Variants in GALNTL6 observed in about 807,000 individuals in gnomAD.
The protein encoded by GALNTL6 is polypeptide N-acetylgalactosaminyltransferase-like 6.
Under a neutral mutation model 73.7 loss-of-function variants are expected in GALNTL6, and 46 were observed. The observed-to-expected ratio is 0.62, with a 90% CI of 0.49 to 0.80. GALNTL6 has a LOEUF of 0.80. GALNTL6 is among the 30% of genes least tolerant of loss of function. The probability of loss-of-function intolerance (pLI) is 0.00; values close to 1 mark genes in which losing one functional copy is unlikely to be tolerated. For missense variants in GALNTL6, 604 were observed against 755.0 expected, an observed-to-expected ratio of 0.80 and a Z score of 2.34; for synonymous variants, 259 against 263.7, an observed-to-expected ratio of 0.98 and a Z score of 0.17.
chr4:172,585,020 C>A (rs1737346739), intron 5 of GALNTL6, among the ~76,000 whole-genome samples: 2 of 151,996 alleles, frequency 1.3e-5, no homozygotes, highest in African/African-American at 4.8e-5. Context: ...ACATAAAATG[C>A]ACTGTTTCTA....
chr4:172,752,944 T>C (rs1737514802), intron 5 of GALNTL6, among the ~76,000 whole-genome samples: 1 of 152,328 alleles, frequency 6.6e-6, no homozygotes, highest in African/African-American at 2.4e-5. Flanking sequence ...TCATCTACAT[T>C]CTATTATTTT....
At chr4:172,546,371 C>G (rs1455126) in intron 5 of GALNTL6, among the ~76,000 whole-genome samples, 133,440 of 152,134 alleles carry the variant, frequency 0.88, 58,594 homozygotes, top group African/African-American at 0.92. Flanking sequence ...TCTACCTGCA[C>G]AATGTTGACT....
At chr4:171,881,022 C>G (rs1421286689) in intron 2 of GALNTL6, among the ~76,000 whole-genome samples, 1 of 151,980 alleles carries the variant, frequency 6.6e-6, no homozygotes, top group African/African-American at 2.4e-5. Context: ...TGGCTCCCAC[C>G]GAGTATGTAA....
chr4:171,910,449 G>A (rs936595534), intron 2 of GALNTL6, among the ~76,000 whole-genome samples: 8 of 151,826 alleles, frequency 5.3e-5, no homozygotes, highest in East Asian at 1.9e-4. Context: ...TTCTTTTGAC[G>A]TGGGTTTTAA....
At chr4:172,002,977 CAAT>C (rs1453085820) in intron 2 of GALNTL6, among the ~76,000 whole-genome samples, 3 of 152,190 alleles carry the variant, frequency 2.0e-5, no homozygotes, top group African/African-American at 7.2e-5. Flanking sequence ...TTAATGGTGT[CAAT>C]AACAGTATCA....
At chr4:172,903,285 C>A (rs1196701727) in intron 8 of GALNTL6, among the ~76,000 whole-genome samples, 2 of 152,156 alleles carry the variant, frequency 1.3e-5, no homozygotes, top group East Asian at 1.9e-4. Flanking sequence ...ACTTATACTT[C>A]CATTTTTGTC....
chr4:172,063,792 C>A (rs1731279829), intron 2 of GALNTL6, among the ~76,000 whole-genome samples: 1 of 152,128 alleles, frequency 6.6e-6, no homozygotes, highest in Non-Finnish European at 1.5e-5. Flanking sequence ...TATTTGGACT[C>A]TCCCCAATTT....
chr4:172,501,408 G>T (rs1280270169), intron 5 of GALNTL6, among the ~76,000 whole-genome samples: 2 of 152,060 alleles, frequency 1.3e-5, no homozygotes, highest in East Asian at 3.9e-4. Flanking sequence ...TAGACTTATT[G>T]TGGATATGTA....
intron 2 of GALNTL6, among the ~76,000 whole-genome samples, chr4:171,843,480 CA>C (rs368318884): frequency 6.1e-4 from 87 of 142,476 alleles, no homozygotes; most frequent in African/African-American, 1.5e-3. Flanking sequence ...AGACAAATGC[CA>C]AAAAAAAAAC....
At chr4:172,308,301 A>G (rs770448660) in intron 3 of GALNTL6, among the ~76,000 whole-genome samples, 4 of 151,544 alleles carry the variant, frequency 2.6e-5, no homozygotes, top group Non-Finnish European at 4.4e-5. Flanking sequence ...CTTTTTACCA[A>G]CTTGGATGCC....
chr4:172,792,877 T>G (rs979732876), intron 5 of GALNTL6, among the ~76,000 whole-genome samples: 3 of 152,130 alleles, frequency 2.0e-5, no homozygotes, highest in Admixed American at 1.3e-4. Flanking sequence ...TAAATATTAT[T>G]CCTCTAATTC....
At chr4:172,859,387 G>T (rs1425452640) in intron 7 of GALNTL6, among the ~76,000 whole-genome samples, 1 of 152,062 alleles carries the variant, frequency 6.6e-6, no homozygotes, top group Non-Finnish European at 1.5e-5. Context: ...CTGGCTCTTG[G>T]TTATACCAAG....
chr4:172,969,045 A>G (rs1413036962), intron 10 of GALNTL6, among the ~76,000 whole-genome samples: 4 of 152,190 alleles, frequency 2.6e-5, no homozygotes, highest in Non-Finnish European at 5.9e-5. Flanking sequence ...AGCTAAAACA[A>G]TCTTAAAACT....
chr4:172,751,438 T>C (rs1045873908), intron 5 of GALNTL6, among the ~76,000 whole-genome samples: 2 of 152,178 alleles, frequency 1.3e-5, no homozygotes, highest in Non-Finnish European at 2.9e-5. Flanking sequence ...ATCTTAAAAA[T>C]ATCACCAACT....
At chr4:172,691,411 A>G (rs537357033) in intron 5 of GALNTL6, among the ~76,000 whole-genome samples, 2 of 152,318 alleles carry the variant, frequency 1.3e-5, no homozygotes, top group African/African-American at 2.4e-5. Context: ...TAAGTATTGC[A>G]CTGGGTCTTT....
chr4:172,284,425 C>T (rs1485414799), intron 3 of GALNTL6, among the ~76,000 whole-genome samples: 1 of 151,960 alleles, frequency 6.6e-6, no homozygotes, highest in Non-Finnish European at 1.5e-5. Context: ...CACCCCACCA[C>T]ACCATGTGCA....
chr4:172,796,744 C>A (rs1232034558), intron 5 of GALNTL6, among the ~76,000 whole-genome samples: 1 of 152,144 alleles, frequency 6.6e-6, no homozygotes, highest in Non-Finnish European at 1.5e-5. Context: ...CCATTTCCTG[C>A]ATATTTCCTT....
rs573257202 is a variant in GALNTL6, at chr4:172,462,719, CA to C, written c.553+114031del. Among the ~76,000 whole-genome samples the C allele has an allele frequency of 3.1e-3, 470 of 152,214 alleles. 1 individual carries two copies. Among genetic ancestry groups the C allele is most frequent in the African/African-American group, 0.011 (449 of 41,544 alleles). ...TATATTACTAAAGCTTTGCACAATACATGGAAAACAGATGTGTCAAGAAATA... is the reference window on the plus strand; with the variant it reads ...TATATTACTAAAGCTTTGCACAATACTGGAAAACAGATGTGTCAAGAAATA... On this transcript the variant is annotated intron_variant, in intron 5 of 12. Transcript: ENST00000506823.
intron 10 of GALNTL6, among the ~76,000 whole-genome samples, chr4:172,981,946 G>T (rs182981582): frequency 1.3e-5 from 2 of 151,728 alleles, no homozygotes; most frequent in Non-Finnish European, 2.9e-5. Flanking sequence ...ACAGGCATGC[G>T]CCACCACCCT....
Sources: allele counts gnomAD v4.1 joint callset (sites outside exome capture counted in the v4.1 genomes callset), GRCh38; gene constraint gnomAD v4.1.1; transcripts MANE v1.5; gene names NCBI Gene and HGNC (gene_info 2026-07-23, HGNC 2026-07-21).